ANKS1B: variants seen among roughly 807,000 people sequenced by gnomAD.
The protein encoded by ANKS1B is ankyrin repeat and sterile alpha motif domain containing 1B.
A neutral mutation model predicts 148.3 loss-of-function variants in ANKS1B; 36 were observed. The observed-to-expected ratio is 0.24, with a 90% CI of 0.19 to 0.32. The LOEUF is 0.32. Ranked by LOEUF, ANKS1B falls within the 10% of genes least tolerant of loss-of-function variation. The pLI is 1.00. For synonymous variants in ANKS1B, 542 were observed against 560.8 expected (o/e 0.97, Z 0.47); for missense variants, 1,157 against 1,542.6 (o/e 0.75, Z 4.19).
At chr12:99,815,988 G>A (rs752261008) in intron 2 of ANKS1B, among the ~76,000 whole-genome samples, 10 of 151,450 alleles carry the variant, frequency 6.6e-5, no homozygotes, top group South Asian at 2.1e-4. Flanking sequence ...CTTTTCCTTC[G>A]GGTAGATACC....
At chr12:99,647,144 C>T (rs1000161240) in intron 9 of ANKS1B, among the ~76,000 whole-genome samples, 5 of 152,116 alleles carry the variant, frequency 3.3e-5, no homozygotes, top group Non-Finnish European at 5.9e-5. Flanking sequence ...AACACATACA[C>T]GTGGTCTTAC....
At chr12:99,743,799 G>C (rs528810957) in intron 8 of ANKS1B, among the ~76,000 whole-genome samples, 1 of 152,316 alleles carries the variant, frequency 6.6e-6, no homozygotes, top group East Asian at 1.9e-4. Context: ...AAATGGAGTA[G>C]TGTTAATTTC....
chr12:99,234,506 C>T (rs1344900787), intron 14 of ANKS1B, among the ~76,000 whole-genome samples: 1 of 152,172 alleles, frequency 6.6e-6, no homozygotes, highest in Non-Finnish European at 1.5e-5. Context: ...AAGATTCTTA[C>T]AGACAGGGCT....
Position 99,443,676 on chromosome 12 carries a change from G to A in ANKS1B, c.1572C>T (p.Pro524=). The A allele has an allele frequency of 1.2e-6, 2 of 1,611,350 alleles. No individual in the cohort carries two copies. Among genetic ancestry groups the A allele is most frequent in the African/African-American group, 1.3e-5 (1 of 74,844 alleles). ...ALKNIVKVIR[P]QPKQRTSIVS... is the part of the protein sequence containing the mutation. Reference sequence around the variant, plus strand: ...TGATGCCATTCTGGGCACTTACCTGGGGTCGAATGACTTTTACAATATTTT... The same window carrying A: ...TGATGCCATTCTGGGCACTTACCTGAGGTCGAATGACTTTTACAATATTTT... Residue 524 remains proline, a synonymous_variant, in exon 11 of 27, where the codon CCC becomes CCT. Coordinates refer to ENST00000683438, the MANE Select transcript of ANKS1B (RefSeq NM_001352186.2).
chr12:99,872,414 A>G (rs887333386), intron 1 of ANKS1B, among the ~76,000 whole-genome samples: 1 of 152,078 alleles, frequency 6.6e-6, no homozygotes, highest in Non-Finnish European at 1.5e-5. Context: ...TGTATGATAT[A>G]CTTCAATTTT....
intron 9 of ANKS1B, among the ~76,000 whole-genome samples, chr12:99,607,399 C>T (rs1345944690): frequency 4.0e-5 from 6 of 151,350 alleles, no homozygotes; most frequent in Admixed American, 4.0e-4. Context: ...CCCCATGACT[C>T]ATATACATTT....
chr12:99,326,856 T>A (rs1009887053), intron 12 of ANKS1B, among the ~76,000 whole-genome samples: 21 of 151,030 alleles, frequency 1.4e-4, no homozygotes, highest in African/African-American at 5.1e-4. Context: ...GGTGGATGCC[T>A]AATGACAATT....
chr12:98,864,783 T>C (rs979912760), intron 17 of ANKS1B, among the ~76,000 whole-genome samples: 1 of 152,186 alleles, frequency 6.6e-6, no homozygotes, highest in African/African-American at 2.4e-5. Context: ...GAAAGATAAT[T>C]GCCTGCCTCT....
At chr12:99,760,126 T>C (rs953754980) in intron 8 of ANKS1B, among the ~76,000 whole-genome samples, 8 of 151,794 alleles carry the variant, frequency 5.3e-5, no homozygotes, top group African/African-American at 1.7e-4. Flanking sequence ...ATCAAACACA[T>C]TTTAAGCACA....
intron 8 of ANKS1B, among the ~76,000 whole-genome samples, chr12:99,693,289 T>C (rs2053399646): frequency 6.6e-6 from 1 of 152,180 alleles, no homozygotes. Flanking sequence ...ATTTAAATGG[T>C]AGACTTAACA....
intron 12 of ANKS1B, among the ~76,000 whole-genome samples, chr12:99,347,405 A>C (rs1315404752): frequency 6.6e-6 from 1 of 151,998 alleles, no homozygotes; most frequent in Non-Finnish European, 1.5e-5. Context: ...TGATCTTGAG[A>C]AGATCCTAAA....
chr12:99,735,439 A>C (rs1285426281), intron 8 of ANKS1B, among the ~76,000 whole-genome samples: 1 of 152,182 alleles, frequency 6.6e-6, no homozygotes, highest in Non-Finnish European at 1.5e-5. Context: ...CATCACAACC[A>C]ATACCTTAGA....
At chr12:99,914,559 C>T (rs2094110908) in intron 1 of ANKS1B, among the ~76,000 whole-genome samples, 1 of 152,090 alleles carries the variant, frequency 6.6e-6, no homozygotes, top group South Asian at 2.1e-4. Context: ...TTAAAATGAA[C>T]CTTATCTCTG....
At chr12:99,551,729 T>C (rs143209269) in intron 9 of ANKS1B, among the ~76,000 whole-genome samples, 7 of 152,264 alleles carry the variant, frequency 4.6e-5, no homozygotes, top group Non-Finnish European at 1.0e-4. Flanking sequence ...TAATCTTTTT[T>C]GAGACACAAA....
intron 2 of ANKS1B, among the ~76,000 whole-genome samples, chr12:99,824,324 ACCCCGTCT>A (rs1423108679): frequency 2.0e-5 from 3 of 151,914 alleles, no homozygotes; most frequent in African/African-American, 4.8e-5. Flanking sequence ...ACATGGTGAA[ACCCCGTCT>A]CTACTAAAAA....
chr12:98,765,601 GGCTAGAGTGCAGTGGT>G (rs1469929923), intron 25 of ANKS1B, among the ~76,000 whole-genome samples: 8 of 152,018 alleles, frequency 5.3e-5, no homozygotes, highest in Non-Finnish European at 1.2e-4. Context: ...CTGTCACCCA[GGCTAGAGTGCAGTGGT>G]GCGATCTCTG....
At chr12:99,576,873 T>C (rs921333220) in intron 9 of ANKS1B, among the ~76,000 whole-genome samples, 1 of 151,960 alleles carries the variant, frequency 6.6e-6, no homozygotes, top group African/African-American at 2.4e-5. Context: ...GTACTGAGCA[T>C]AGTACCCAAT....
chr12:99,557,849 C>T (rs116357928), intron 9 of ANKS1B, among the ~76,000 whole-genome samples: 2,077 of 152,260 alleles, frequency 0.014, 42 homozygotes, highest in African/African-American at 0.046. Context: ...GCTTTTATCT[C>T]TCTGATGCCC....
At chr12:98,854,759 C>T (rs140265424) in intron 17 of ANKS1B, among the ~76,000 whole-genome samples, 1 of 152,178 alleles carries the variant, frequency 6.6e-6, no homozygotes, top group Admixed American at 6.5e-5. Context: ...CATTGAGAAG[C>T]AGAATTAGGG....
Sources: gnomAD v4.1 joint callset for allele counts (sites outside exome capture counted in the v4.1 genomes callset) on GRCh38, gnomAD v4.1.1 for gene constraint, MANE v1.5 for transcripts, NCBI Gene and HGNC (gene_info 2026-07-23, HGNC 2026-07-21) for gene names.